PDS5A: variants seen among roughly 807,000 people sequenced by gnomAD.
PDS5A encodes sister chromatid cohesion protein PDS5 homolog A.
Under a neutral mutation model 167.1 loss-of-function variants are expected in PDS5A, and 42 were observed. The observed-to-expected ratio is 0.25, with a 90% CI of 0.20 to 0.33. The LOEUF (loss-of-function observed/expected upper bound fraction) is 0.33. Ranked by LOEUF, PDS5A falls within the 10% of genes least tolerant of loss-of-function variation. The pLI is 1.00. For synonymous variants in PDS5A, 553 were observed against 554.6 expected, an observed-to-expected ratio of 1.00 and a Z score of 0.04; for missense variants, 1,033 against 1,605.9, an observed-to-expected ratio of 0.64 and a Z score of 6.10.
chr4:39,867,733 A>AACACACACACACACACACAC (rs142147688), intron 22 of PDS5A, among the ~76,000 whole-genome samples: 2 of 130,632 alleles, frequency 1.5e-5, no homozygotes, highest in Non-Finnish European at 3.1e-5. Context: ...AAAAAACCAA[A>AACACACACACACACACACAC]ACACACACAC....
At chr4:39,930,356 G>C (rs1350060931) in intron 2 of PDS5A, among the ~76,000 whole-genome samples, 1 of 147,250 alleles carries the variant, frequency 6.8e-6, no homozygotes, top group African/African-American at 2.5e-5. Context: ...GCCTCCCAAA[G>C]TGTTGGGATT....
Position 39,977,154 on chromosome 4 carries a change from C to T in PDS5A, c.-41+303G>A, listed in dbSNP as rs1423472461. ...TAGTCCCCGCCGCGCTGCCACCCCT[C>T]CCCTGTTCCGCTCCCTCACCCCCGC... is the stretch of plus-strand genomic sequence containing the variant. On this transcript the variant is annotated intron_variant, in intron 1 of 32. Coordinates refer to ENST00000303538, the MANE Select transcript of PDS5A (RefSeq NM_001100399.2). The surrounding 1 kb of genome is among the most constrained non-coding windows in gnomAD (Gnocchi z 4.2). Among the ~76,000 whole-genome samples, 3 of 151,996 alleles carry T rather than the reference C, an allele frequency of 2.0e-5. No individual in the cohort carries two copies. The highest frequency in any genetic ancestry group is 4.4e-5 in the Non-Finnish European group (3 of 67,946).
At chr4:39,903,062 ATTC>A (rs58142823) in intron 12 of PDS5A, among the ~76,000 whole-genome samples, 37,284 of 152,120 alleles carry the variant, frequency 0.25, 5,022 homozygotes, top group East Asian at 0.44. Context: ...TGTTCCGCCT[ATTC>A]TTCTTCAGCA....
rs868282288 is a variant in PDS5A, at chr4:39,921,636, C to T, written c.654+986G>A. ...GTATGGTGGCACATGCCTGTATTGC[C>T]AGCTACTTGGGAGGCTGAGGTAGGA... On this transcript the variant is annotated intron_variant, in intron 6 of 32. Transcript: ENST00000303538. 7.3e-5 allele frequency among the ~76,000 whole-genome samples: 11 copies of T among 149,716 alleles called. No homozygotes were observed. In the South Asian group the frequency reaches 1.9e-3, roughly 26 times the overall value.
chr4:39,852,163 T>C lies in PDS5A; in HGVS notation c.3087-2511A>G, dbSNP rs145159113. Among the ~76,000 whole-genome samples, 648 of 152,290 alleles carry C rather than the reference T, an allele frequency of 4.3e-3. 3 individuals are homozygous for C. The highest frequency in any genetic ancestry group is 0.015 in the African/African-American group (624 of 41,554). ...TAATGTGCTATCTAACATGAACCAATTGACTCAATAAATTTTAGTACTTGG... is the reference window on the plus strand; with the variant it reads ...TAATGTGCTATCTAACATGAACCAACTGACTCAATAAATTTTAGTACTTGG... On this transcript the variant is annotated intron_variant, in intron 26 of 32. Transcript: ENST00000303538.
chr4:39,966,401 G>C (rs1317003092), intron 2 of PDS5A, among the ~76,000 whole-genome samples: 1 of 152,190 alleles, frequency 6.6e-6, no homozygotes, highest in Non-Finnish European at 1.5e-5. Flanking sequence ...TGTGAGGAAA[G>C]GGGGATGGCC....
intron 32 of PDS5A, among the ~76,000 whole-genome samples, chr4:39,827,824 G>C (rs1162225431): frequency 6.6e-6 from 1 of 152,136 alleles, no homozygotes; most frequent in Non-Finnish European, 1.5e-5. Context: ...TCACAAATTT[G>C]GGGTTATTTT....
Position 39,844,724 on chromosome 4 carries a change from A to G in PDS5A, c.3480T>C (p.Thr1160=). 6.2e-7 allele frequency: 1 copy of G among 1,613,478 alleles called. No homozygotes were observed. Among genetic ancestry groups the G allele is most frequent in the Non-Finnish European group, 8.5e-7 (1 of 1,179,502 alleles). Residue 1160 remains threonine (T), a synonymous_variant, in exon 30 of 33, where the codon ACT becomes ACC. Transcript: ENST00000303538. Reference sequence around the variant, plus strand: ...TAATATTGCTTCCAGTCTCAGTGCCAGTGCTTCTAACATAGGGTTTCCTTC... The same window carrying G: ...TAATATTGCTTCCAGTCTCAGTGCCGGTGCTTCTAACATAGGGTTTCCTTC... ...ATGRKPYVRS[T]GTETGSNINV...
chr4:39,958,319 C>T (rs1729155849), intron 2 of PDS5A, among the ~76,000 whole-genome samples: 1 of 151,750 alleles, frequency 6.6e-6, no homozygotes, highest in South Asian at 2.1e-4. Context: ...TCAGCCTGGC[C>T]AACATGGTGA....
chr4:39,972,171 A>G (rs554844134), intron 2 of PDS5A, among the ~76,000 whole-genome samples: 5 of 152,318 alleles, frequency 3.3e-5, no homozygotes, highest in African/African-American at 4.8e-5. Flanking sequence ...CGATTTTCAA[A>G]CAGAAAATGT....
At chr4:39,825,526 G>A in intron 32 of PDS5A, 38 bp from the exon 33 acceptor site, 1 of 1,502,752 alleles carries the variant, frequency 6.7e-7, no homozygotes. Context: ...TAGAAAAGAT[G>A]TGGAGAAGAT....
At chr4:39,850,487 G>A (rs13152430) in intron 26 of PDS5A, among the ~76,000 whole-genome samples, 1,996 of 152,066 alleles carry the variant, frequency 0.013, 18 homozygotes, top group Non-Finnish European at 0.022. Flanking sequence ...AGAAAACACA[G>A]ATTCACCCTA....
intron 2 of PDS5A, among the ~76,000 whole-genome samples, chr4:39,961,322 G>A (rs1380332649): frequency 6.6e-6 from 1 of 151,856 alleles, no homozygotes; most frequent in Non-Finnish European, 1.5e-5. Context: ...TTTTTGAGAT[G>A]GAGTCTTGCT....
intron 17 of PDS5A, among the ~76,000 whole-genome samples, chr4:39,889,161 T>C (rs960381868): frequency 6.6e-6 from 1 of 152,200 alleles, no homozygotes; most frequent in African/African-American, 2.4e-5. Flanking sequence ...CCTAATCCAA[T>C]ATGACTATTG....
rs753167965 is a variant in PDS5A at position 39,849,532 on chromosome 4, G to C, written c.3207C>G (p.Ser1069=). 10 of 1,606,694 alleles carry C rather than the reference G, an allele frequency of 6.2e-6. No individual in the cohort carries two copies. The South Asian group carries it at 1.1e-4, about 18-fold the overall frequency. The change falls in exon 27 of 33, where the codon TCC becomes TCG. Residue 1069 remains serine, a synonymous_variant. Transcript: ENST00000303538. ...LTRDAQSPDE[S]KTNEKLYTVC... Reference sequence around the variant, plus strand: ...ACACTCATCTTACTTCATTTGTCTTGGATTCATCTGGAGACTGGGCATCTC... The same window carrying C: ...ACACTCATCTTACTTCATTTGTCTTCGATTCATCTGGAGACTGGGCATCTC...
intron 2 of PDS5A, among the ~76,000 whole-genome samples, chr4:39,937,613 C>T (rs1726752557): frequency 6.6e-6 from 1 of 152,000 alleles, no homozygotes. Flanking sequence ...GAGATGGGGT[C>T]TTGTTATGTT....
chr4:39,898,533 A>G lies in PDS5A; in HGVS notation c.1631-5T>C, dbSNP rs763282751. On this transcript the variant is annotated splice_polypyrimidine_tract_variant and splice_region_variant and intron_variant, in intron 15 of 32. Coordinates refer to ENST00000303538, the MANE Select transcript of PDS5A (RefSeq NM_001100399.2). ...TCCCGGGGTCAGGCAAATTCTCTAT[A>G]AAATTAAAAGAGAATCAATATTAGA... 4.4e-5 allele frequency: 68 copies of G among 1,529,680 alleles called. No individual in the cohort carries two copies. Among genetic ancestry groups the G allele is most frequent in the Non-Finnish European group, 5.6e-5 (63 of 1,134,032 alleles). 94.8% of individuals were successfully genotyped at this position (1,529,680 alleles called of 1,614,324 possible).
Position 39,846,943 on chromosome 4 carries a change from A to T in PDS5A, c.3340-1063T>A, listed in dbSNP as rs549656875. On this transcript the variant is annotated intron_variant, in intron 28 of 32. Coordinates refer to ENST00000303538, the MANE Select transcript of PDS5A (RefSeq NM_001100399.2). Reference sequence around the variant, plus strand: ...AAACATTAAGAAACCTGTGTACCAAAGTTCATTCACTTCATTCATAAAGAT... The same window carrying T: ...AAACATTAAGAAACCTGTGTACCAATGTTCATTCACTTCATTCATAAAGAT... The T allele has an allele frequency of 3.3e-5, 5 of 152,284 alleles. No individual in the cohort carries two copies. In the South Asian group the frequency reaches 1.0e-3, roughly 32 times the overall value. 9.4% of individuals were successfully genotyped at this position (152,284 alleles called of 1,614,324 possible). A position where few individuals can be genotyped will look rare whatever the true frequency, so the allele number is the denominator to read the frequency against.
At chr4:39,828,302 T>C (rs1715497343) in intron 32 of PDS5A, among the ~76,000 whole-genome samples, 1 of 152,232 alleles carries the variant, frequency 6.6e-6, no homozygotes, top group Non-Finnish European at 1.5e-5. Context: ...ACCTTTAGCA[T>C]CAGCTCCCAG....
Sources: gnomAD v4.1 joint callset for allele counts (sites outside exome capture counted in the v4.1 genomes callset) on GRCh38, gnomAD v4.1.1 for gene constraint, Gnocchi (gnomAD v3.1) non-coding constraint, MANE v1.5 for transcripts, NCBI Gene and HGNC (gene_info 2026-07-23, HGNC 2026-07-21) for gene names.